SLC9C2: variants seen among roughly 807,000 people sequenced by gnomAD.
SLC9C2 encodes the protein sodium/hydrogen exchanger 11.
In SLC9C2, 75 loss-of-function variants were observed where a neutral mutation model predicts 140.2. The ratio of observed to expected loss-of-function variants is 0.53; its 90% CI spans 0.44 to 0.65. The LOEUF (loss-of-function observed/expected upper bound fraction) is 0.65, where lower values mean the gene tolerates loss of function less well. Among genes scored for constraint, SLC9C2 ranks in the 30% least tolerant of loss-of-function variants. The pLI, the probability that SLC9C2 is intolerant of heterozygous loss-of-function variation, is 0.00. For synonymous variants in SLC9C2, 375 were observed against 420.9 expected (o/e 0.89, Z 1.34); for missense variants, 1,074 against 1,331.8 (o/e 0.81, Z 3.01).
At chr1:173,573,448 C>T in intron 8 of SLC9C2, 123 bp from the exon 9 acceptor site, 1 of 680,116 alleles carries the variant, frequency 1.5e-6, no homozygotes, top group East Asian at 3.2e-5. Context: ...TTGCCTTCAT[C>T]TCTGTTATAG....
intron 13 of SLC9C2, among the ~76,000 whole-genome samples, chr1:173,542,188 T>A (rs1020590256): frequency 3.3e-5 from 5 of 152,112 alleles, no homozygotes; most frequent in African/African-American, 1.2e-4. Context: ...CCAGCACTGA[T>A]CCCACAGAAA....
intron 23 of SLC9C2, 24 bp from the exon 24 acceptor site, chr1:173,509,723 A>G (rs766952706): frequency 1.3e-6 from 2 of 1,566,290 alleles, no homozygotes; most frequent in East Asian, 4.7e-5. Flanking sequence ...GAACCAGGCC[A>G]TAGCAGCTTG....
chr1:173,555,230 C>A, intron 10 of SLC9C2: 1 of 161,532 alleles, frequency 6.2e-6, no homozygotes, highest in East Asian at 1.9e-4. Context: ...TGCCTGCCAC[C>A]AGCATTTGCT....
intron 9 of SLC9C2, among the ~76,000 whole-genome samples, chr1:173,561,827 A>G (rs753389686): frequency 6.7e-5 from 10 of 150,266 alleles, no homozygotes; most frequent in Non-Finnish European, 1.3e-4. Context: ...CCAAGGACTG[A>G]CCAATCACAT....
chr1:173,521,449 C>A, intron 21 of SLC9C2, 50 bp from the exon 22 acceptor site: 1 of 764,414 alleles, frequency 1.3e-6, no homozygotes, highest in Non-Finnish European at 1.9e-6. Flanking sequence ...AACACAAAAG[C>A]TTCCTAGTCT....
At chr1:173,574,953 T>C (rs1665079890) in intron 8 of SLC9C2, among the ~76,000 whole-genome samples, 1 of 151,934 alleles carries the variant, frequency 6.6e-6, no homozygotes, top group African/African-American at 2.4e-5. Context: ...ACCCCATCTC[T>C]ACAAAAAATA....
intron 23 of SLC9C2, among the ~76,000 whole-genome samples, chr1:173,516,274 C>T (rs12087220): frequency 0.017 from 2,634 of 152,246 alleles, 69 homozygotes; most frequent in African/African-American, 0.061. Flanking sequence ...TCTTACTTAG[C>T]AAATGAAACA....
intron 17 of SLC9C2, among the ~76,000 whole-genome samples, chr1:173,530,842 A>G (rs370831781): frequency 1.3e-5 from 2 of 152,204 alleles, no homozygotes; most frequent in Non-Finnish European, 1.5e-5. Flanking sequence ...AAGGGAGAAG[A>G]AAAAAGTGAA....
At chr1:173,526,569 G>A in intron 19 of SLC9C2, 94 bp downstream of exon 19, 1 of 1,137,448 alleles carries the variant, frequency 8.8e-7, no homozygotes, top group Non-Finnish European at 1.3e-6. Context: ...ATAAATGAAT[G>A]AGCAAGTAAA....
intron 17 of SLC9C2, among the ~76,000 whole-genome samples, chr1:173,532,127 T>C (rs1282595586): frequency 6.6e-6 from 1 of 152,108 alleles, no homozygotes; most frequent in Admixed American, 6.5e-5. Flanking sequence ...AAAAAGAAAA[T>C]CTGTAAGCAC....
chr1:173,562,481 C>T (rs572643179), intron 9 of SLC9C2, among the ~76,000 whole-genome samples: 2 of 152,202 alleles, frequency 1.3e-5, no homozygotes, highest in East Asian at 3.9e-4. Flanking sequence ...TTCTATTAAT[C>T]TTAAAAATAC....
intron 3 of SLC9C2, among the ~76,000 whole-genome samples, 192 bp downstream of exon 3, chr1:173,599,925 T>G (rs1001101458): frequency 1.3e-5 from 2 of 152,154 alleles, no homozygotes; most frequent in African/African-American, 4.8e-5. Flanking sequence ...TTATTACTGC[T>G]TTTTTGAAGT....
At chr1:173,532,134 G>C (rs996142283) in intron 17 of SLC9C2, among the ~76,000 whole-genome samples, 1 of 152,298 alleles carries the variant, frequency 6.6e-6, no homozygotes, top group East Asian at 1.9e-4. Context: ...AAATCTGTAA[G>C]CACAAACTGG....
chr1:173,597,739 C>T (rs1054019300), intron 4 of SLC9C2, among the ~76,000 whole-genome samples, 165 bp downstream of exon 4: 3 of 152,240 alleles, frequency 2.0e-5, no homozygotes, highest in Non-Finnish European at 1.5e-5. Context: ...AATTCCTTTC[C>T]TCTCCCTTCA....
At chr1:173,516,798 T>A (rs892890980) in intron 23 of SLC9C2, among the ~76,000 whole-genome samples, 1 of 152,246 alleles carries the variant, frequency 6.6e-6, no homozygotes, top group Non-Finnish European at 1.5e-5. Context: ...GTCTTTATAA[T>A]AGAATGATTT....
intron 9 of SLC9C2, among the ~76,000 whole-genome samples, chr1:173,560,547 G>A (rs1426178228): frequency 6.6e-6 from 1 of 152,202 alleles, no homozygotes; most frequent in Non-Finnish European, 1.5e-5. Flanking sequence ...GCTCAGGGGA[G>A]CCTTGGATGA....
chr1:173,550,898 G>GAGAC lies in SLC9C2; in HGVS notation c.1298-2347_1298-2346insGTCT, dbSNP rs1441628858. Among the ~76,000 whole-genome samples, 14 of 108,040 alleles carry GAGAC rather than the reference G, an allele frequency of 1.3e-4. 1 individual carries two copies. Among genetic ancestry groups the GAGAC allele is most frequent in the African/African-American group, 4.3e-4 (14 of 32,234 alleles). 70.9% of individuals were successfully genotyped at this position (108,040 alleles called of 152,430 possible). On this transcript the variant is annotated intron_variant, in intron 11 of 27. Transcript: ENST00000367714. The stretch of plus-strand genomic sequence containing the variant: ...AGAGAGAGAGAGAGAGAGAGAGAGA[G>GAGAC]AGAGAGAGAGAAGGAAGGGAAGGGA...
chr1:173,577,696 A>G (rs2013387), intron 7 of SLC9C2, among the ~76,000 whole-genome samples: 24,942 of 152,224 alleles, frequency 0.16, 6,793 homozygotes, highest in African/African-American at 0.57. Context: ...TGAAAATTAA[A>G]TTAGAAAACA....
rs1666862172 is a variant in SLC9C2 at position 173,602,738 on chromosome 1, A to G, written c.-80+13T>C. 6.6e-6 allele frequency: 1 copy of G among 152,162 alleles called. No homozygotes were observed. The highest frequency in any genetic ancestry group is 2.4e-5 in the African/African-American group (1 of 41,418). 9.4% of individuals were successfully genotyped at this position (152,162 alleles called of 1,614,324 possible). On this transcript the variant is annotated intron_variant, in intron 1 of 27. Transcript: ENST00000367714. ...AGGTTCCTCAAGTATCTCCAATAATATTTAAGGCTTACCTTTGGTCCTTTG... is the reference window on the plus strand; with the variant it reads ...AGGTTCCTCAAGTATCTCCAATAATGTTTAAGGCTTACCTTTGGTCCTTTG...
Sources: allele counts gnomAD v4.1 joint callset (sites outside exome capture counted in the v4.1 genomes callset), GRCh38; gene constraint gnomAD v4.1.1; transcripts MANE v1.5; gene names NCBI Gene and HGNC (gene_info 2026-07-23, HGNC 2026-07-21).